PLEKHG3: variants seen among roughly 807,000 people sequenced by gnomAD.
The protein encoded by PLEKHG3 is pleckstrin homology and RhoGEF domain containing G3.
In PLEKHG3, 62 loss-of-function variants were observed where a neutral mutation model predicts 94.9. The observed-to-expected ratio is 0.65, with a 90% CI of 0.53 to 0.81. The LOEUF is 0.81. PLEKHG3 is among the 30% of genes least tolerant of loss of function. The pLI is 0.00. For missense variants in PLEKHG3, 1,461 were observed against 1,619.3 expected, an observed-to-expected ratio of 0.90 and a Z score of 1.68; for synonymous variants, 614 against 654.0, an observed-to-expected ratio of 0.94 and a Z score of 0.93.
chr14:64,712,998 C>G (rs577780352), intron 1 of PLEKHG3, among the ~76,000 whole-genome samples: 1 of 152,000 alleles, frequency 6.6e-6, no homozygotes, highest in African/African-American at 2.4e-5. Context: ...GATTGTTGAG[C>G]GTTTTTATCA....
intron 1 of PLEKHG3, among the ~76,000 whole-genome samples, chr14:64,712,758 A>C (rs1048599548): frequency 1.2e-4 from 18 of 152,326 alleles, no homozygotes; most frequent in Middle Eastern, 3.4e-3. Flanking sequence ...TTATCTATGA[A>C]TAGAGATTGT....
At position 64,749,116 on chromosome 14, in the gene PLEKHG3, G is replaced by T; in HGVS notation, c.*5413G>T. The stretch of plus-strand genomic sequence containing the variant: ...TGGAGCGGAGCCAGCGCGGGCGAGG[G>T]CATGGAGGGGGCGTCGGCCCAGGAC... On this transcript the variant is annotated 3_prime_UTR_variant, in exon 17 of 17. Transcript: ENST00000247226. The surrounding 1 kb of genome is among the most constrained non-coding windows in gnomAD (Gnocchi z 4.7). 1 of 596,022 alleles carries T rather than the reference G, an allele frequency of 1.7e-6. No homozygotes were observed. 36.9% of individuals were successfully genotyped at this position (596,022 alleles called of 1,614,324 possible).
At position 64,743,968 on chromosome 14, in the gene PLEKHG3, C is replaced by T. The variant is rs1404419215; in HGVS notation, c.*265C>T. On this transcript the variant is annotated 3_prime_UTR_variant, in exon 17 of 17. Coordinates refer to ENST00000247226, the MANE Select transcript of PLEKHG3 (RefSeq NM_001308147.2). The surrounding 1 kb of genome is among the most constrained non-coding windows in gnomAD (Gnocchi z 7.2). ...TAAATAGTTGTTCTCTGGTAAGAAG[C>T]CAAATATTTAAGCTCACTTCTTCCC... 7 of 352,802 alleles carry T rather than the reference C, an allele frequency of 2.0e-5. No individual in the cohort carries two copies. Among genetic ancestry groups the T allele is most frequent in the Admixed American group, 4.5e-5 (1 of 22,178 alleles). 21.9% of individuals were successfully genotyped at this position (352,802 alleles called of 1,614,324 possible).
At chr14:64,713,768 T>C (rs908089541) in intron 1 of PLEKHG3, among the ~76,000 whole-genome samples, 1 of 152,174 alleles carries the variant, frequency 6.6e-6, no homozygotes, top group African/African-American at 2.4e-5. Flanking sequence ...CCATTTCCTT[T>C]TTTTTTCTCT....
Position 64,744,510 on chromosome 14 carries a change from A to AG in PLEKHG3, c.*809dup. ...CGGGTACTGGTGGGGGAGGTGGGGC[A>AG]GGAGGATGTGAGGGCGGGCTTTTTC... On this transcript the variant is annotated 3_prime_UTR_variant, in exon 17 of 17. Coordinates refer to ENST00000247226, the MANE Select transcript of PLEKHG3 (RefSeq NM_001308147.2). 6.6e-6 allele frequency: 1 copy of AG among 152,342 alleles called. No homozygotes were observed. The highest frequency in any genetic ancestry group is 1.9e-4 in the East Asian group (1 of 5,182). 9.4% of individuals were successfully genotyped at this position (152,342 alleles called of 1,614,324 possible).
rs549529079 is a variant in PLEKHG3, at chr14:64,721,756, C to T, written c.-39-5837C>T. Among the ~76,000 whole-genome samples the T allele has an allele frequency of 6.6e-6, 1 of 152,084 alleles. No individual in the cohort carries two copies. The highest frequency in any genetic ancestry group is 1.5e-5 in the Non-Finnish European group (1 of 67,970). Reference sequence around the variant, plus strand: ...GTGAGGAAACTGCTGGGAAAGGGGGCAAGGGTCCCCTAGGAGGGGGTCCTC... The same window carrying T: ...GTGAGGAAACTGCTGGGAAAGGGGGTAAGGGTCCCCTAGGAGGGGGTCCTC... On this transcript the variant is annotated intron_variant, in intron 1 of 16. Coordinates refer to ENST00000247226, the MANE Select transcript of PLEKHG3 (RefSeq NM_001308147.2). The surrounding 1 kb of genome is among the most constrained non-coding windows in gnomAD (Gnocchi z 4.3).
chr14:64,706,192 G>C (rs995122707), intron 1 of PLEKHG3, among the ~76,000 whole-genome samples: 4 of 152,214 alleles, frequency 2.6e-5, no homozygotes, highest in Admixed American at 6.5e-5. Context: ...TTTTAGACCT[G>C]GCTCTTCTGC....
Position 64,749,312 on chromosome 14 carries a change from C to CT in PLEKHG3, c.*5614dup. On this transcript the variant is annotated 3_prime_UTR_variant, in exon 17 of 17. Transcript: ENST00000247226. The surrounding 1 kb of genome is among the most constrained non-coding windows in gnomAD (Gnocchi z 4.7). ...CGCCCGCCAGCCCCACCTGCTACTTCTTTTTGGGGAAGAAGCTGAATCTCT... is the reference window on the plus strand; with the variant it reads ...CGCCCGCCAGCCCCACCTGCTACTTCTTTTTTGGGGAAGAAGCTGAATCTCT... 1 of 1,602,802 alleles carries CT rather than the reference C, an allele frequency of 6.2e-7. No homozygotes were observed.
rs756678557 is a variant in PLEKHG3, at chr14:64,731,172, G to T, written c.849+3G>T. The T allele has an allele frequency of 2.5e-6, 4 of 1,607,432 alleles. No homozygotes were observed. The highest frequency in any genetic ancestry group is 2.2e-5 in the East Asian group (1 of 44,784). On this transcript the variant is annotated splice_donor_region_variant and intron_variant, in intron 7 of 16. Transcript: ENST00000247226. This position sits in a 1 kb window ranked among gnomAD's most constrained non-coding sequence, Gnocchi z 6.1. ...ATGAGCACGCGGTCCGGCTCCAGGT[G>T]CTCTGGGGCTGGGACGCTGGGGGAG...
At position 64,743,461 on chromosome 14, in the gene PLEKHG3, G is replaced by A; in HGVS notation, c.3418G>A (p.Asp1140Asn). Residue 1140 changes from aspartate (D) to asparagine (N), a missense_variant, in exon 17 of 17, where the codon GAC (aspartate) becomes AAC (asparagine). By Grantham distance (23) the Asp-to-Asn change is conservative. Around this residue, in one of 3 missense-constraint regions of PLEKHG3, gnomAD observed 1,201 missense variants for 1,295.5 expected, o/e 0.93. Transcript: ENST00000247226. This position sits in a 1 kb window ranked among gnomAD's most constrained non-coding sequence, Gnocchi z 7.2. ...LYVTADLTLE[D>N]NRRVIVMEKG... ...TGTCACTGCAGACCTCACCCTGGAGGACAACCGGCGGGTGATTGTCATGGA... is the reference window on the plus strand; with the variant it reads ...TGTCACTGCAGACCTCACCCTGGAGAACAACCGGCGGGTGATTGTCATGGA... 1.2e-6 allele frequency: 2 copies of A among 1,613,232 alleles called. No homozygotes were observed. The highest frequency in any genetic ancestry group is 2.2e-5 in the South Asian group (2 of 91,090).
intron 15 of PLEKHG3, among the ~76,000 whole-genome samples, chr14:64,740,593 C>G (rs2139396497): frequency 6.6e-6 from 1 of 152,320 alleles, no homozygotes; most frequent in South Asian, 2.1e-4. Flanking sequence ...GGTTTGAACC[C>G]TAGAACCTCC....
In PLEKHG3 at chr14:64,716,552, A is replaced by AC. The variant is rs2081166673; in HGVS notation, c.-39-11041_-39-11040insC. On this transcript the variant is annotated intron_variant, in intron 1 of 16. Transcript: ENST00000247226. The surrounding 1 kb of genome is among the most constrained non-coding windows in gnomAD (Gnocchi z 5.0). The stretch of plus-strand genomic sequence containing the variant: ...ACACACACACACACACACACACACA[A>AC]AGCAGAGTTAATCTCCCACTTCTTC... Among the ~76,000 whole-genome samples the AC allele has an allele frequency of 2.7e-5, 2 of 74,710 alleles. No individual in the cohort carries two copies. Among genetic ancestry groups the AC allele is most frequent in the East Asian group, 9.2e-4 (1 of 1,082 alleles). 49.0% of individuals were successfully genotyped at this position (74,710 alleles called of 152,430 possible). A position where few individuals can be genotyped will look rare whatever the true frequency, so the allele number is the denominator to read the frequency against.
At chr14:64,740,989 A>G (rs150099600) in intron 15 of PLEKHG3, 47 bp from the exon 16 acceptor site, 4 of 1,470,354 alleles carry the variant, frequency 2.7e-6, no homozygotes, top group Non-Finnish European at 3.7e-6. Flanking sequence ...CCCGGATCCC[A>G]TGAAGGAGGC....
Position 64,728,882 on chromosome 14 carries a change from G to T in PLEKHG3, c.352-114G>T. On this transcript the variant is annotated intron_variant, in intron 2 of 16. Coordinates refer to ENST00000247226, the MANE Select transcript of PLEKHG3 (RefSeq NM_001308147.2). The surrounding 1 kb of genome is among the most constrained non-coding windows in gnomAD (Gnocchi z 5.9). Reference sequence around the variant, plus strand: ...ATTTTGGGGTGGACACTGTCTCACAGTAGGCAATGTCCGTGAAGTGGTGTT... The same window carrying T: ...ATTTTGGGGTGGACACTGTCTCACATTAGGCAATGTCCGTGAAGTGGTGTT... The T allele has an allele frequency of 1.9e-6, 1 of 540,208 alleles. No homozygotes were observed. The allele number at this position is 540,208 out of a possible 1,614,324, so 33.5% of individuals were successfully genotyped here. A position where few individuals can be genotyped will look rare whatever the true frequency, so the allele number is the denominator to read the frequency against.
At position 64,750,231 on chromosome 14, in the gene PLEKHG3, TAAA is replaced by T. The variant is rs1353241331; in HGVS notation, c.*6534_*6536del. The T allele has an allele frequency of 1.3e-5, 18 of 1,430,220 alleles. No homozygotes were observed. The highest frequency in any genetic ancestry group is 1.8e-4 in the Middle Eastern group (1 of 5,510). The allele number at this position is 1,430,220 out of a possible 1,614,324, so 88.6% of individuals were successfully genotyped here. A position where few individuals can be genotyped will look rare whatever the true frequency, so the allele number is the denominator to read the frequency against. On this transcript the variant is annotated 3_prime_UTR_variant, in exon 17 of 17. Coordinates refer to ENST00000247226, the MANE Select transcript of PLEKHG3 (RefSeq NM_001308147.2). ...GAGTCAATTCCTATAGCTTCACCAT[TAAA>T]AAAAATTACACCATGTTTGTTCTGA...
At position 64,741,569 on chromosome 14, in the gene PLEKHG3, TG is replaced by T; in HGVS notation, c.2055del (p.Met686TrpfsTer32). On this transcript the variant is annotated frameshift_variant, in exon 16 of 17. Coordinates refer to ENST00000247226, the MANE Select transcript of PLEKHG3 (RefSeq NM_001308147.2). LOFTEE classifies it high-confidence loss of function. ...CCACAGAGGACAGCCCTTCTGTCAA[TG>T]GGATGGAGCCCCCAAGCCCAGGCTG... The part of the protein sequence containing the change: ...VATEDSPSVN[G>X]MEPPSPGCPV... 1 of 1,612,924 alleles carries T rather than the reference TG, an allele frequency of 6.2e-7. No individual in the cohort carries two copies. The highest frequency in any genetic ancestry group is 8.5e-7 in the Non-Finnish European group (1 of 1,180,006).
Position 64,747,798 on chromosome 14 carries a change from C to A in PLEKHG3, c.*4095C>A, listed in dbSNP as rs1202405792. On this transcript the variant is annotated 3_prime_UTR_variant, in exon 17 of 17. Transcript: ENST00000247226. ...CTTGGGGGAAAATGCCTGCTGCCCT[C>A]CGCCCTCCCCCCCACCCCCGACCCG... 1 of 144,330 alleles carries A rather than the reference C, an allele frequency of 6.9e-6. No individual in the cohort carries two copies. The highest frequency in any genetic ancestry group is 1.5e-5 in the Non-Finnish European group (1 of 65,740). 8.9% of individuals were successfully genotyped at this position (144,330 alleles called of 1,614,324 possible).
In PLEKHG3 at chr14:64,730,432, G is replaced by C; in HGVS notation, c.519+120G>C. ...TTCCTTTCCAGGGAAAGTCCTGGGT[G>C]CTCTATCTTGAATGAGAAGGGTGTT... On this transcript the variant is annotated intron_variant, in intron 4 of 16. Transcript: ENST00000247226. This position sits in a 1 kb window ranked among gnomAD's most constrained non-coding sequence, Gnocchi z 5.4. The C allele has an allele frequency of 1.3e-6, 1 of 776,128 alleles. No homozygotes were observed. The highest frequency in any genetic ancestry group is 2.2e-6 in the Non-Finnish European group (1 of 463,212). 48.1% of individuals were successfully genotyped at this position (776,128 alleles called of 1,614,324 possible).
Position 64,731,871 on chromosome 14 carries a change from C to G in PLEKHG3, c.1125+65C>G. ...GCCCAGGGGACACCTGCGTGGGACT[C>G]CTGGCTCCTCTGCTCACCTAGCTGC... On this transcript the variant is annotated intron_variant, in intron 9 of 16. Transcript: ENST00000247226. This position sits in a 1 kb window ranked among gnomAD's most constrained non-coding sequence, Gnocchi z 6.1. 1 of 1,182,382 alleles carries G rather than the reference C, an allele frequency of 8.5e-7. No homozygotes were observed. Among genetic ancestry groups the G allele is most frequent in the Non-Finnish European group, 1.3e-6 (1 of 794,996 alleles). 73.2% of individuals were successfully genotyped at this position (1,182,382 alleles called of 1,614,324 possible). A position where few individuals can be genotyped will look rare whatever the true frequency, so the allele number is the denominator to read the frequency against.
Sources: allele counts gnomAD v4.1 joint callset (sites outside exome capture counted in the v4.1 genomes callset), GRCh38; gene constraint gnomAD v4.1.1; regional missense constraint gnomAD v4.1.1; non-coding constraint Gnocchi (gnomAD v3.1); transcripts MANE v1.5; gene names NCBI Gene and HGNC (gene_info 2026-07-23, HGNC 2026-07-21).